KLHL5: variants seen among roughly 807,000 people sequenced by gnomAD.
KLHL5 encodes kelch-like protein 5.
Under a neutral mutation model 77.7 loss-of-function variants are expected in KLHL5, and 48 were observed. The ratio of observed to expected loss-of-function variants is 0.62; its 90% CI spans 0.49 to 0.79. The LOEUF is 0.79. Among genes scored for constraint, KLHL5 ranks in the 30% least tolerant of loss-of-function variants. The pLI is 0.00. For synonymous variants in KLHL5, 260 were observed against 297.0 expected, an observed-to-expected ratio of 0.88 and a Z score of 1.28; for missense variants, 723 against 859.7, an observed-to-expected ratio of 0.84 and a Z score of 1.99.
chr4:39,060,430 A>G (rs1051799467), upstream of KLHL5, among the ~76,000 whole-genome samples: 1 of 135,612 alleles, frequency 7.4e-6, no homozygotes, highest in Non-Finnish European at 1.6e-5. Context: ...TCATTCCAAC[A>G]ACTAAAAATC....
intron 7 of KLHL5, among the ~76,000 whole-genome samples, chr4:39,104,849 T>C (rs1050047047): frequency 3.9e-5 from 6 of 152,172 alleles, no homozygotes; most frequent in Non-Finnish European, 5.9e-5. Context: ...CACTGCAACT[T>C]CCGCCTCCCG....
chr4:39,095,164 A>G (rs1383740422), intron 5 of KLHL5, among the ~76,000 whole-genome samples: 2 of 152,220 alleles, frequency 1.3e-5, no homozygotes, highest in African/African-American at 4.8e-5. Context: ...GAAAAGAGGC[A>G]GATAAAGGAA....
chr4:39,127,615 G>A (rs1231406849), downstream of KLHL5, among the ~76,000 whole-genome samples: 1 of 151,970 alleles, frequency 6.6e-6, no homozygotes, highest in Non-Finnish European at 1.5e-5. Flanking sequence ...CACCATGTTT[G>A]GCTAATTTTT....
rs181795010 is a variant in KLHL5 at position 39,051,690 on chromosome 4, G to A, written c.-95+6594G>A. Reference sequence around the variant, plus strand: ...GCTCACACTAGGTGGTGCAGGAGCTGCCTTGGCTTAAAAAAAGAAAAAACA... The same window carrying A: ...GCTCACACTAGGTGGTGCAGGAGCTACCTTGGCTTAAAAAAAGAAAAAACA... On this transcript the variant is annotated intron_variant, in intron 1 of 11. Transcript: ENST00000261425. Among the ~76,000 whole-genome samples, 4 of 129,548 alleles carry A rather than the reference G, an allele frequency of 3.1e-5. No individual in the cohort carries two copies. In the East Asian group the frequency reaches 6.9e-4, roughly 22 times the overall value. 85.0% of individuals were successfully genotyped at this position (129,548 alleles called of 152,430 possible).
chr4:39,119,944 C>T (rs1723101627), intron 10 of KLHL5, among the ~76,000 whole-genome samples: 1 of 152,070 alleles, frequency 6.6e-6, no homozygotes, highest in Non-Finnish European at 1.5e-5. Context: ...TTCCAAGAGA[C>T]TTACAGTGAT....
the KLHL5 span, among the ~76,000 whole-genome samples, chr4:39,136,005 CGTGTGTGTGTGTGTGT>C: frequency 2.1e-5 from 3 of 145,922 alleles, no homozygotes; most frequent in African/African-American, 7.7e-5. Context: ...CATTCTAACA[CGTGTGTGTGTGTGTGT>C]GTGTGTGTGT....
At chr4:39,110,962 A>G (rs938129058) in intron 8 of KLHL5, among the ~76,000 whole-genome samples, 1 of 152,204 alleles carries the variant, frequency 6.6e-6, no homozygotes, top group Non-Finnish European at 1.5e-5. Context: ...TATTTTTGAA[A>G]ATTAAAAATA....
chr4:39,142,165 T>A, the KLHL5 span, among the ~76,000 whole-genome samples: 1 of 152,188 alleles, frequency 6.6e-6, no homozygotes, highest in Non-Finnish European at 1.5e-5. Flanking sequence ...AAATTTAAAA[T>A]ACAGTATATT....
chr4:39,093,701 C>T (rs933325831), intron 5 of KLHL5, among the ~76,000 whole-genome samples: 6 of 152,088 alleles, frequency 3.9e-5, no homozygotes, highest in African/African-American at 1.2e-4. Context: ...AGGTCAGGAG[C>T]TCAAGACCAG....
Position 39,081,283 on chromosome 4 carries a change from T to C in KLHL5, c.703+44T>C. The C allele has an allele frequency of 6.6e-7, 1 of 1,507,050 alleles. No homozygotes were observed. The allele number at this position is 1,507,050 out of a possible 1,614,324, so 93.4% of individuals were successfully genotyped here. On this transcript the variant is annotated intron_variant, in intron 3 of 10. Transcript: ENST00000504108. The surrounding 1 kb of genome is among the most constrained non-coding windows in gnomAD (Gnocchi z 4.3). The stretch of plus-strand genomic sequence containing the variant: ...TAAATTAAAACCTCTTAGATTTATG[T>C]TGTATTATTAGATTTCAGATTTCTG...
chr4:39,101,938 A>G (rs1001197484), intron 6 of KLHL5, among the ~76,000 whole-genome samples: 4 of 104,628 alleles, frequency 3.8e-5, no homozygotes. Context: ...ATACACACAT[A>G]TATACACACA....
chr4:39,102,737 A>G (rs1045052154), intron 6 of KLHL5, among the ~76,000 whole-genome samples: 3 of 151,912 alleles, frequency 2.0e-5, no homozygotes, highest in African/African-American at 4.8e-5. Flanking sequence ...ACCTTCCTCA[A>G]CTCTTCTAGT....
chr4:39,132,016 G>C, the KLHL5 span, among the ~76,000 whole-genome samples: 4 of 152,092 alleles, frequency 2.6e-5, no homozygotes, highest in Admixed American at 6.5e-5. Context: ...CGGTTCTGTC[G>C]ACCTCCCAGG....
chr4:39,055,572 TC>T (rs912387275), intron 1 of KLHL5, among the ~76,000 whole-genome samples: 1 of 152,220 alleles, frequency 6.6e-6, no homozygotes, highest in African/African-American at 2.4e-5. Flanking sequence ...ATGTATATGT[TC>T]AAGTTAAAAT....
intron 10 of KLHL5, among the ~76,000 whole-genome samples, chr4:39,117,277 C>T (rs1042785993): frequency 1.4e-4 from 22 of 151,880 alleles, no homozygotes; most frequent in Non-Finnish European, 2.8e-4. Flanking sequence ...CCAGCCTGGA[C>T]AACAGAGCAA....
intron 1 of KLHL5, among the ~76,000 whole-genome samples, chr4:39,051,777 C>CT (rs1716671500): frequency 6.6e-6 from 1 of 152,198 alleles, no homozygotes; most frequent in Non-Finnish European, 1.5e-5. Context: ...ACTCCATAGA[C>CT]TGAGTTTCCA....
At chr4:39,139,349 T>C in the KLHL5 span, among the ~76,000 whole-genome samples, 1 of 150,434 alleles carries the variant, frequency 6.6e-6, no homozygotes. Flanking sequence ...GCCTAAACTA[T>C]GGAGACAGTA....
rs140183024 is a variant in KLHL5, at chr4:39,076,233, T to C, written c.566+86T>C. On this transcript the variant is annotated intron_variant, in intron 2 of 10. Coordinates refer to ENST00000504108, the MANE Select transcript of KLHL5 (RefSeq NM_015990.5). Reference sequence around the variant, plus strand: ...ATTGAGGTAACCTACTTCAATTGACTATTATGTTTTTGGGAAGGGGTGTAG... The same window carrying C: ...ATTGAGGTAACCTACTTCAATTGACCATTATGTTTTTGGGAAGGGGTGTAG... The C allele has an allele frequency of 5.2e-4, 609 of 1,180,924 alleles. 3 individuals carry two copies. The African/African-American group carries it at 7.5e-3, about 15-fold the overall frequency. 73.2% of individuals were successfully genotyped at this position (1,180,924 alleles called of 1,614,324 possible).
intron 2 of KLHL5, among the ~76,000 whole-genome samples, chr4:39,080,061 G>A (rs2566142): frequency 0.76 from 115,820 of 152,060 alleles, 44,145 homozygotes; most frequent in East Asian, 0.83. Context: ...AAATCTAATG[G>A]CTCAGCAGTG....
Sources: allele counts gnomAD v4.1 joint callset (sites outside exome capture counted in the v4.1 genomes callset), GRCh38; gene constraint gnomAD v4.1.1; non-coding constraint Gnocchi (gnomAD v3.1); transcripts MANE v1.5; gene names NCBI Gene and HGNC (gene_info 2026-07-23, HGNC 2026-07-21).